TTC6: variants seen among roughly 807,000 people sequenced by gnomAD.
TTC6 encodes the protein tetratricopeptide repeat domain 6.
TTC6 carries 172 observed loss-of-function variants against 210.4 expected under a neutral mutation model. That is an observed-to-expected ratio of 0.82 (90% CI 0.72 to 0.93). The LOEUF (loss-of-function observed/expected upper bound fraction) is 0.93, where lower values mean the gene tolerates loss of function less well. TTC6 is among the 40% of genes least tolerant of loss of function. TTC6 has a pLI of 0.00. For missense variants in TTC6, 2,414 were observed against 2,318.1 expected (o/e 1.04, Z -0.85); for synonymous variants, 804 against 819.6 (o/e 0.98, Z 0.32).
chr14:37,804,791 A>T (rs1305961172), exon 21 of TTC6: 1 of 1,614,078 alleles, frequency 6.2e-7, no homozygotes. Flanking sequence ...TCTTTGTTAC[A>T]TGGAGGAAGG....
intron 3 of TTC6, among the ~76,000 whole-genome samples, chr14:37,686,126 A>G (rs950676711): frequency 1.3e-5 from 2 of 152,152 alleles, no homozygotes; most frequent in Non-Finnish European, 2.9e-5. Flanking sequence ...CTAGATGTCC[A>G]AGGACCGAAT....
intron 8 of TTC6, among the ~76,000 whole-genome samples, chr14:37,736,926 T>A (rs1221597595): frequency 6.6e-6 from 1 of 152,070 alleles, no homozygotes; most frequent in Non-Finnish European, 1.5e-5. Context: ...AGCTAGTTTA[T>A]TTTTTATTTT....
At chr14:37,733,851 A>G (rs907295263) in intron 7 of TTC6, among the ~76,000 whole-genome samples, 43 of 151,872 alleles carry the variant, frequency 2.8e-4, no homozygotes, top group Non-Finnish European at 3.7e-4. Context: ...TGTGCTTGGT[A>G]TTGGATTCTG....
At chr14:37,826,762 T>C (rs2096172807) in intron 28 of TTC6, among the ~76,000 whole-genome samples, 2 of 152,130 alleles carry the variant, frequency 1.3e-5, no homozygotes. Context: ...AACTCTTCTT[T>C]ACTTCTAGCT....
At chr14:37,803,647 A>G (rs571814946) in intron 20 of TTC6, among the ~76,000 whole-genome samples, 27 of 152,328 alleles carry the variant, frequency 1.8e-4, no homozygotes, top group African/African-American at 6.5e-4. Flanking sequence ...AGGCAGGAGA[A>G]GATGGGGTCA....
chr14:37,709,444 C>CA (rs1847339654), intron 5 of TTC6, among the ~76,000 whole-genome samples: 1 of 151,916 alleles, frequency 6.6e-6, no homozygotes, highest in Non-Finnish European at 1.5e-5. Context: ...TTTGGTATGA[C>CA]AAAAAATCAT....
At chr14:37,618,000 A>G (rs1363735371), upstream of TTC6, among the ~76,000 whole-genome samples, 1 of 152,142 alleles carries the variant, frequency 6.6e-6, no homozygotes, top group East Asian at 1.9e-4. Context: ...CTAATGTAAT[A>G]CTCTGATGAG....
At chr14:37,601,408 T>A (rs1405881899) in intron 1 of TTC6, among the ~76,000 whole-genome samples, 3 of 152,186 alleles carry the variant, frequency 2.0e-5, no homozygotes, top group Non-Finnish European at 4.4e-5. Flanking sequence ...ATTTGTTGAG[T>A]CAGTCAACTA....
At chr14:37,787,411 C>A (rs2139307408) in intron 14 of TTC6, 57 bp from the exon 17 acceptor site, 4 of 1,220,032 alleles carry the variant, frequency 3.3e-6, no homozygotes, top group Non-Finnish European at 4.3e-6. Context: ...ACAGGTTTAC[C>A]AAAAAGAGAA....
chr14:37,707,906 G>T (rs914052727), intron 5 of TTC6, among the ~76,000 whole-genome samples: 3 of 152,142 alleles, frequency 2.0e-5, no homozygotes, highest in African/African-American at 7.2e-5. Flanking sequence ...AGAGATGCAG[G>T]TTTATGTTAG....
chr14:37,788,831 C>CAA (rs1009844803), intron 15 of TTC6, among the ~76,000 whole-genome samples: 1 of 152,116 alleles, frequency 6.6e-6, no homozygotes, highest in African/African-American at 2.4e-5. Context: ...ATTTGAAGAT[C>CAA]AAACCACCCC....
At chr14:37,735,187 G>T (rs910527042) in intron 7 of TTC6, among the ~76,000 whole-genome samples, 1 of 152,016 alleles carries the variant, frequency 6.6e-6, no homozygotes, top group Admixed American at 6.6e-5. Flanking sequence ...TCCATCGTCG[G>T]TAATAATTAC....
chr14:37,806,655 G>T, intron 22 of TTC6, 145 bp downstream of exon 24: 2 of 773,528 alleles, frequency 2.6e-6, no homozygotes, highest in East Asian at 2.8e-5. Flanking sequence ...AATCCAAATA[G>T]CTGTATTTCT....
chr14:37,719,933 A>G (rs960540283), intron 6 of TTC6, among the ~76,000 whole-genome samples: 1 of 152,148 alleles, frequency 6.6e-6, no homozygotes, highest in Non-Finnish European at 1.5e-5. Context: ...CGGAGAAAAT[A>G]TTTTGCAAAA....
chr14:37,762,035 T>A (rs1271015843), intron 14 of TTC6, among the ~76,000 whole-genome samples: 1 of 152,212 alleles, frequency 6.6e-6, no homozygotes, highest in Non-Finnish European at 1.5e-5. Flanking sequence ...TGCCTCTATA[T>A]ATTTGTTTTA....
chr14:37,633,260 C>A (rs185219037), intron 1 of TTC6, among the ~76,000 whole-genome samples: 15 of 152,290 alleles, frequency 9.8e-5, no homozygotes, highest in African/African-American at 3.4e-4. Context: ...GGTGAAGGCA[C>A]CCGAGGGAAT....
At chr14:37,756,859 C>T (rs1237999225) in intron 14 of TTC6, among the ~76,000 whole-genome samples, 2 of 152,152 alleles carry the variant, frequency 1.3e-5, no homozygotes, top group South Asian at 2.1e-4. Flanking sequence ...TGATACTGTC[C>T]TCATAAAATG....
At chr14:37,762,374 A>T (rs2095987155) in intron 14 of TTC6, among the ~76,000 whole-genome samples, 1 of 152,092 alleles carries the variant, frequency 6.6e-6, no homozygotes, top group Non-Finnish European at 1.5e-5. Context: ...TGGTGACTCT[A>T]TTTTTAGTTT....
chr14:37,771,988 A>G (rs12882964), intron 14 of TTC6, among the ~76,000 whole-genome samples: 5,823 of 152,052 alleles, frequency 0.038, 146 homozygotes, highest in Non-Finnish European at 0.051. Context: ...TTTTGGTGTG[A>G]ATGTCCTTTC....
Sources: allele counts gnomAD v4.1 joint callset (sites outside exome capture counted in the v4.1 genomes callset), GRCh38; gene constraint gnomAD v4.1.1; transcripts MANE v1.5; gene names NCBI Gene and HGNC (gene_info 2026-07-23, HGNC 2026-07-21).